Variants in ULK4 observed in about 807,000 individuals in gnomAD.
ULK4 encodes unc-51 like kinase 4, also known as inactive serine/threonine-protein kinase ULK4.
A neutral mutation model predicts 160.6 loss-of-function variants in ULK4; 133 were observed. The observed-to-expected ratio is 0.83, with a 90% CI of 0.72 to 0.96. The LOEUF is 0.96. Among genes scored for constraint, ULK4 ranks in the 40% least tolerant of loss-of-function variants. ULK4 has a pLI of 0.00. For missense variants in ULK4, 1,580 were observed against 1,499.5 expected (o/e 1.05, Z -0.89); for synonymous variants, 534 against 539.8 (o/e 0.99, Z 0.15).
intron 5 of ULK4, among the ~76,000 whole-genome samples, chr3:41,924,640 C>T (rs1575959350): frequency 6.6e-6 from 1 of 152,288 alleles, no homozygotes; most frequent in Non-Finnish European, 1.5e-5. Flanking sequence ...TAGACCACAA[C>T]AGTCATTTTC....
chr3:41,919,620 G>GT, intron 6 of ULK4, 97 bp downstream of exon 6: 2 of 1,043,266 alleles, frequency 1.9e-6, no homozygotes, highest in Middle Eastern at 2.5e-4. Flanking sequence ...AAAAAATCTA[G>GT]TTTTTTCACA....
intron 22 of ULK4, among the ~76,000 whole-genome samples, chr3:41,742,109 G>C (rs528071058): frequency 6.6e-6 from 1 of 151,830 alleles, no homozygotes; most frequent in South Asian, 2.1e-4. Context: ...TCCCTTCCCA[G>C]TCCTCCAGTT....
At position 41,727,898 on chromosome 3, in the gene ULK4, A is replaced by AT. The variant is rs1217532622; in HGVS notation, c.2322-10038dup. ...GGTGTTAATTGATGAGATTATGGAT[A>AT]TTTTTTCAAGGTACAAATAATTAGA... On this transcript the variant is annotated intron_variant, in intron 22 of 36. Transcript: ENST00000301831. 2.0e-5 allele frequency among the ~76,000 whole-genome samples: 3 copies of AT among 152,190 alleles called. No homozygotes were observed. In the East Asian group the frequency reaches 5.8e-4, roughly 29 times the overall value.
intron 35 of ULK4, among the ~76,000 whole-genome samples, chr3:41,291,055 G>GTT (rs894111505): frequency 4.0e-5 from 6 of 151,780 alleles, no homozygotes; most frequent in African/African-American, 1.5e-4. Context: ...GATTTTTTTT[G>GTT]TTTTTGTTTT....
intron 17 of ULK4, among the ~76,000 whole-genome samples, chr3:41,872,993 A>T (rs1697155830): frequency 6.6e-6 from 1 of 152,068 alleles, no homozygotes; most frequent in South Asian, 2.1e-4. Flanking sequence ...TCTCTACTAA[A>T]AATACAAAAA....
chr3:41,375,122 C>T (rs529420707), intron 35 of ULK4, among the ~76,000 whole-genome samples: 30 of 151,784 alleles, frequency 2.0e-4, no homozygotes, highest in African/African-American at 6.3e-4. Flanking sequence ...CACTGCTCGA[C>T]GAAATAAAAG....
In ULK4 at chr3:41,681,515, G is replaced by A. The variant is rs929833754; in HGVS notation, c.2971C>T (p.Leu991Phe). The stretch of plus-strand genomic sequence containing the variant: ...CAACTGCATGATACTTACTGGGGAA[G>A]TAAGACATCTCGAATGAGAGCCAGA... ...NLLALIRDVLLPQYEHILLEP... is the reference protein window; with the variant it reads ...NLLALIRDVLFPQYEHILLEP... Residue 991 changes from leucine to phenylalanine, a missense_variant, in exon 29 of 37, where the codon CTT (leucine) becomes TTT (phenylalanine). By Grantham distance (22) the Leu-to-Phe change is conservative. Coordinates refer to ENST00000301831, the MANE Select transcript of ULK4 (RefSeq NM_017886.4). 1.2e-6 allele frequency: 2 copies of A among 1,613,994 alleles called. No individual in the cohort carries two copies. Among genetic ancestry groups the A allele is most frequent in the Non-Finnish European group, 1.7e-6 (2 of 1,179,958 alleles).
chr3:41,689,299 C>T (rs1459888465), intron 27 of ULK4, among the ~76,000 whole-genome samples: 1 of 152,112 alleles, frequency 6.6e-6, no homozygotes, highest in South Asian at 2.1e-4. Flanking sequence ...GAATATAGCC[C>T]CTTTTTAATA....
chr3:41,614,842 T>C (rs2032880600), intron 31 of ULK4, among the ~76,000 whole-genome samples: 1 of 152,308 alleles, frequency 6.6e-6, no homozygotes, highest in East Asian at 1.9e-4. Context: ...TATCAGACTA[T>C]CACAACTAAT....
chr3:41,722,421 G>C (rs1485975902), intron 22 of ULK4, among the ~76,000 whole-genome samples: 1 of 152,108 alleles, frequency 6.6e-6, no homozygotes, highest in Non-Finnish European at 1.5e-5. Flanking sequence ...CTGAGGTCAG[G>C]AGTTCGAGAC....
At chr3:41,868,049 T>C (rs993998424) in intron 17 of ULK4, among the ~76,000 whole-genome samples, 3 of 152,242 alleles carry the variant, frequency 2.0e-5, no homozygotes, top group African/African-American at 7.2e-5. Flanking sequence ...TGGTCTGTTT[T>C]AGTGACTATT....
chr3:41,757,359 A>G lies in ULK4; in HGVS notation c.2194-2871T>C, dbSNP rs1442847669. ...TGATAAAAACTCTTTTTGGCCAGGCACAGTGGCTCACGCCTGTAATCCCAG... is the reference window on the plus strand; with the variant it reads ...TGATAAAAACTCTTTTTGGCCAGGCGCAGTGGCTCACGCCTGTAATCCCAG... On this transcript the variant is annotated intron_variant, in intron 21 of 36. Coordinates refer to ENST00000301831, the MANE Select transcript of ULK4 (RefSeq NM_017886.4). Among the ~76,000 whole-genome samples the G allele has an allele frequency of 5.3e-5, 8 of 152,234 alleles. No homozygotes were observed. The East Asian group carries it at 9.7e-4, about 19-fold the overall frequency.
intron 25 of ULK4, among the ~76,000 whole-genome samples, chr3:41,710,301 A>C (rs1243960247): frequency 2.6e-5 from 4 of 152,080 alleles, no homozygotes; most frequent in African/African-American, 9.7e-5. Flanking sequence ...TCAGTGTAAT[A>C]GGGAGTAATG....
chr3:41,913,197 G>A (rs141190778), intron 8 of ULK4: 2,651 of 224,688 alleles, frequency 0.012, 39 homozygotes, highest in Middle Eastern at 0.016. Flanking sequence ...TAGGAAAAAC[G>A]GAGTCGATAA....
At chr3:41,800,870 A>C (rs2040437527) in intron 19 of ULK4, among the ~76,000 whole-genome samples, 1 of 152,180 alleles carries the variant, frequency 6.6e-6, no homozygotes, top group Admixed American at 6.5e-5. Context: ...AAAAAGATTC[A>C]ACTGTTTTCA....
intron 30 of ULK4, 136 bp downstream of exon 30, chr3:41,663,471 T>C (rs899474065): frequency 6.6e-6 from 5 of 760,154 alleles, no homozygotes; most frequent in African/African-American, 5.2e-5. Flanking sequence ...TTACAATCCA[T>C]GAAACTTAAA....
chr3:41,435,378 G>A (rs1215479616), intron 34 of ULK4, among the ~76,000 whole-genome samples: 5 of 152,144 alleles, frequency 3.3e-5, no homozygotes, highest in South Asian at 2.1e-4. Context: ...CAATCAACAT[G>A]AAAATAAAAA....
intron 21 of ULK4, among the ~76,000 whole-genome samples, chr3:41,757,867 T>C (rs1175573773): frequency 6.6e-6 from 1 of 152,008 alleles, no homozygotes; most frequent in East Asian, 2.0e-4. Context: ...GACCACATGA[T>C]CCGCCTGCCT....
At chr3:41,251,303 A>G (rs2078738994) in intron 35 of ULK4, among the ~76,000 whole-genome samples, 2 of 152,262 alleles carry the variant, frequency 1.3e-5, no homozygotes, top group African/African-American at 2.4e-5. Context: ...TCTGTATATA[A>G]GGATGAGTTA....
Sources: gnomAD v4.1 joint callset for allele counts (sites outside exome capture counted in the v4.1 genomes callset) on GRCh38, gnomAD v4.1.1 for gene constraint, MANE v1.5 for transcripts, NCBI Gene and HGNC (gene_info 2026-07-23, HGNC 2026-07-21) for gene names.